The following SCIN variants were observed in gnomAD, a reference collection of about 807,000 sequenced individuals.
SCIN encodes the protein scinderin.
A neutral mutation model predicts 91.8 loss-of-function variants in SCIN; 91 were observed. The observed-to-expected ratio is 0.99, with a 90% CI of 0.84 to 1.18. The LOEUF (loss-of-function observed/expected upper bound fraction) is 1.18, where lower values mean the gene tolerates loss of function less well. Ranked by LOEUF, SCIN falls within the 50% of genes most tolerant of loss-of-function variation. The pLI, the probability that SCIN is intolerant of heterozygous loss-of-function variation, is 0.00. For synonymous variants in SCIN, 367 were observed against 312.6 expected (o/e 1.17, Z -1.84); for missense variants, 1,087 against 863.9 (o/e 1.26, Z -3.24).
Position 12,644,167 on chromosome 7 carries a change from T to G in SCIN, c.1611T>G (p.Ser537=). The change falls in exon 12 of 16, where the codon TCT becomes TCG. Residue 537 remains serine, a synonymous_variant. Transcript: ENST00000297029. ...ATGTTGATGCAAATTCACTGAATTC[T>G]AACGATGTTTTTGTCCTGAAACTGC... ...EVDVDANSLN[S]NDVFVLKLPQ... 6.2e-7 allele frequency: 1 copy of G among 1,613,154 alleles called. No individual in the cohort carries two copies. The highest frequency in any genetic ancestry group is 1.1e-5 in the South Asian group (1 of 90,888).
chr7:12,599,121 G>A (rs1371910933), intron 3 of SCIN, among the ~76,000 whole-genome samples: 2 of 152,106 alleles, frequency 1.3e-5, no homozygotes, highest in Non-Finnish European at 2.9e-5. Context: ...GAGAACACAG[G>A]TCATTCATTT....
chr7:12,611,595 C>A (rs1783192818), intron 4 of SCIN, among the ~76,000 whole-genome samples: 1 of 152,140 alleles, frequency 6.6e-6, no homozygotes, highest in Non-Finnish European at 1.5e-5. Context: ...TTAGATAAAT[C>A]AATCATTCTC....
intron 4 of SCIN, among the ~76,000 whole-genome samples, chr7:12,615,201 G>C (rs750732311): frequency 6.6e-6 from 1 of 152,100 alleles, no homozygotes; most frequent in Non-Finnish European, 1.5e-5. Context: ...ATAATTACTA[G>C]TTTTAATAGC....
At chr7:12,609,145 C>T (rs1026941301) in intron 4 of SCIN, among the ~76,000 whole-genome samples, 3 of 152,122 alleles carry the variant, frequency 2.0e-5, no homozygotes, top group African/African-American at 4.8e-5. Context: ...AAAGGGGGCA[C>T]TGAGGAGATA....
intron 4 of SCIN, among the ~76,000 whole-genome samples, chr7:12,612,226 A>G (rs1783206823): frequency 6.6e-6 from 1 of 152,148 alleles, no homozygotes; most frequent in Non-Finnish European, 1.5e-5. Context: ...TTCATGTAGC[A>G]TTGTGCCTGA....
Position 12,626,689 on chromosome 7 carries a change from G to A in SCIN, c.1087G>A (p.Glu363Lys), listed in dbSNP as rs1783530699. 4.4e-6 allele frequency: 7 copies of A among 1,586,262 alleles called. No homozygotes were observed. The highest frequency in any genetic ancestry group is 6.0e-6 in the Non-Finnish European group (7 of 1,165,580). The part of the protein sequence containing the change: ...SDGFGKVYVT[E>K]KVAQIKQIPF... ...TGGCTTCGGGAAAGTTTATGTCACA[G>A]AGAAAGTGGCTCAAATAAAACAAAT... The change falls in exon 8 of 16, where the codon GAG becomes AAG. Residue 363 changes from glutamate (E) to lysine (K), a missense_variant. Transcript: ENST00000297029.
intron 3 of SCIN, among the ~76,000 whole-genome samples, chr7:12,593,807 A>G (rs1246075514): frequency 1.3e-5 from 2 of 152,148 alleles, no homozygotes; most frequent in African/African-American, 4.8e-5. Context: ...AGCAGCTCCT[A>G]CGGGCTTAGT....
Position 12,649,536 on chromosome 7 carries a change from TG to T in SCIN, c.1954del (p.Glu652AsnfsTer20). On this transcript the variant is annotated frameshift_variant, in exon 14 of 16. Coordinates refer to ENST00000297029, the MANE Select transcript of SCIN (RefSeq NM_001112706.3). LOFTEE classifies it high-confidence loss of function. ...AEDDVMLLDA[W>X]EQIFIWIGKD... ...AGATGATGTCATGTTACTAGATGCT[TG>T]GGAACAGGTAAAACTACATTTTGTT... 6.3e-7 allele frequency: 1 copy of T among 1,595,418 alleles called. No individual in the cohort carries two copies. The highest frequency in any genetic ancestry group is 1.3e-5 in the African/African-American group (1 of 74,802).
intron 3 of SCIN, among the ~76,000 whole-genome samples, chr7:12,583,775 CA>C (rs2115215860): frequency 6.6e-6 from 1 of 152,266 alleles, no homozygotes; most frequent in African/African-American, 2.4e-5. Flanking sequence ...GTATGGGCCA[CA>C]AATCCAGGTT....
intron 3 of SCIN, among the ~76,000 whole-genome samples, chr7:12,603,634 C>G: frequency 6.6e-6 from 1 of 152,090 alleles, no homozygotes; most frequent in East Asian, 1.9e-4. Context: ...CGTTTGTATC[C>G]TTATACCTTC....
intron 1 of SCIN, among the ~76,000 whole-genome samples, chr7:12,576,358 G>GTTT (rs113504526): frequency 8.6e-6 from 1 of 115,646 alleles, no homozygotes; most frequent in African/African-American, 3.3e-5. Flanking sequence ...CTACTGAGTT[G>GTTT]TTTTTTTTTG....
Position 12,651,969 on chromosome 7 carries a change from C to A in SCIN, c.2020+68C>A. 9.6e-7 allele frequency: 1 copy of A among 1,036,776 alleles called. No individual in the cohort carries two copies. Among genetic ancestry groups the A allele is most frequent in the Non-Finnish European group, 1.4e-6 (1 of 690,000 alleles). 64.2% of individuals were successfully genotyped at this position (1,036,776 alleles called of 1,614,324 possible). ...ATTATGACCGAGTGTCTGGCTTGCTCTTTGCCACCATGTCTTACAAAAATA... is the reference window on the plus strand; with the variant it reads ...ATTATGACCGAGTGTCTGGCTTGCTATTTGCCACCATGTCTTACAAAAATA... On this transcript the variant is annotated intron_variant, in intron 15 of 15. Transcript: ENST00000297029. This position sits in a 1 kb window ranked among gnomAD's most constrained non-coding sequence, Gnocchi z 5.9.
chr7:12,598,032 T>A (rs1232761910), intron 3 of SCIN, among the ~76,000 whole-genome samples: 1 of 152,166 alleles, frequency 6.6e-6, no homozygotes, highest in Non-Finnish European at 1.5e-5. Context: ...TGCCTTAAGA[T>A]CTTAGATGGT....
intron 3 of SCIN, among the ~76,000 whole-genome samples, chr7:12,592,314 G>A (rs188854976): frequency 2.0e-5 from 3 of 152,140 alleles, no homozygotes; most frequent in East Asian, 1.9e-4. Flanking sequence ...TGAACGAGTC[G>A]GTATGAGCCA....
Position 12,651,059 on chromosome 7 carries a change from T to C in SCIN, c.1960-782T>C, listed in dbSNP as rs1049566876. Among the ~76,000 whole-genome samples, 1 of 152,182 alleles carries C rather than the reference T, an allele frequency of 6.6e-6. No homozygotes were observed. Among genetic ancestry groups the C allele is most frequent in the Non-Finnish European group, 1.5e-5 (1 of 68,034 alleles). On this transcript the variant is annotated intron_variant, in intron 14 of 15. Coordinates refer to ENST00000297029, the MANE Select transcript of SCIN (RefSeq NM_001112706.3). The surrounding 1 kb of genome is among the most constrained non-coding windows in gnomAD (Gnocchi z 5.9). ...TAATAGGAGAAAAGGCATACAAATATATTAATGTTCACAGGAGTCATACAG... is the reference window on the plus strand; with the variant it reads ...TAATAGGAGAAAAGGCATACAAATACATTAATGTTCACAGGAGTCATACAG...
intron 8 of SCIN, among the ~76,000 whole-genome samples, chr7:12,627,475 T>A (rs1490302356): frequency 6.6e-6 from 1 of 152,224 alleles, no homozygotes; most frequent in Admixed American, 6.5e-5. Context: ...GTTGTTCATT[T>A]ACTGCCAGAT....
chr7:12,640,833 C>T (rs1343960695), intron 11 of SCIN, among the ~76,000 whole-genome samples: 2 of 152,160 alleles, frequency 1.3e-5, no homozygotes, highest in Non-Finnish European at 2.9e-5. Flanking sequence ...GTGGATAGAT[C>T]ATGGGTGATG....
Position 12,655,758 on chromosome 7 carries a change from A to C in SCIN, c.*3043A>C, listed in dbSNP as rs1784153906. 6.6e-6 allele frequency: 1 copy of C among 152,212 alleles called. No individual in the cohort carries two copies. The allele number at this position is 152,212 out of a possible 1,614,324, so 9.4% of individuals were successfully genotyped here. On this transcript the variant is annotated 3_prime_UTR_variant, in exon 16 of 16. Transcript: ENST00000297029. ...CAAACGTATGTACTAATCTAAAACCAAACACATTAGACTAGGTACATGTGG... is the reference window on the plus strand; with the variant it reads ...CAAACGTATGTACTAATCTAAAACCCAACACATTAGACTAGGTACATGTGG...
chr7:12,609,573 T>G (rs2115256490), intron 4 of SCIN, among the ~76,000 whole-genome samples: 1 of 151,558 alleles, frequency 6.6e-6, no homozygotes, highest in Non-Finnish European at 1.5e-5. Flanking sequence ...TAGACTTTCA[T>G]TAAGAAAAAA....
Sources: gnomAD v4.1 joint callset for allele counts (sites outside exome capture counted in the v4.1 genomes callset) on GRCh38, gnomAD v4.1.1 for gene constraint, Gnocchi (gnomAD v3.1) non-coding constraint, MANE v1.5 for transcripts, NCBI Gene and HGNC (gene_info 2026-07-23, HGNC 2026-07-21) for gene names.